CSTPP1: variants seen among roughly 807,000 people sequenced by gnomAD.
The protein encoded by CSTPP1 is UPF0705 protein C11orf49.
chr11:46,995,082 C>A, the CSTPP1 span, among the ~76,000 whole-genome samples: 1 of 152,302 alleles, frequency 6.6e-6, no homozygotes, highest in East Asian at 1.9e-4. Flanking sequence ...TTATAGCATT[C>A]TCTGATGGTA....
the CSTPP1 span, among the ~76,000 whole-genome samples, chr11:47,045,245 T>C: frequency 1.3e-5 from 2 of 152,322 alleles, no homozygotes; most frequent in East Asian, 1.9e-4. Context: ...TTGAGGTAGA[T>C]GAAAACTGAG....
chr11:46,973,637 A>G, the CSTPP1 span, among the ~76,000 whole-genome samples: 1 of 152,186 alleles, frequency 6.6e-6, no homozygotes, highest in Admixed American at 6.5e-5. Flanking sequence ...AGTCCCATTT[A>G]AGTACTTTCT....
At chr11:47,110,890 C>CTTTTTTTTTTT in the CSTPP1 span, among the ~76,000 whole-genome samples, 26 of 125,494 alleles carry the variant, frequency 2.1e-4, no homozygotes, top group East Asian at 8.3e-4. Flanking sequence ...GAGAACACAT[C>CTTTTTTTTTTT]TTTTTTTTTT....
At chr11:47,072,081 C>CT in the CSTPP1 span, among the ~76,000 whole-genome samples, 1 of 152,184 alleles carries the variant, frequency 6.6e-6, no homozygotes, top group East Asian at 1.9e-4. Flanking sequence ...GAGATTCCTC[C>CT]TGGGAAGTCA....
At chr11:47,149,697 G>A in the CSTPP1 span, among the ~76,000 whole-genome samples, 1 of 152,126 alleles carries the variant, frequency 6.6e-6, no homozygotes, top group Non-Finnish European at 1.5e-5. Flanking sequence ...GAGACAGACA[G>A]CACAGCATAT....
At chr11:47,117,736 G>A in the CSTPP1 span, among the ~76,000 whole-genome samples, 1 of 152,222 alleles carries the variant, frequency 6.6e-6, no homozygotes, top group East Asian at 1.9e-4. Flanking sequence ...TTCCAACTTT[G>A]TTCTATTCTC....
At chr11:46,937,661 C>G in the CSTPP1 span, among the ~76,000 whole-genome samples, 1 of 152,194 alleles carries the variant, frequency 6.6e-6, no homozygotes, top group Non-Finnish European at 1.5e-5. Flanking sequence ...GCTCCGCCTC[C>G]CGGGTAGCTG....
the CSTPP1 span, chr11:47,137,261 C>T: frequency 1.5e-6 from 2 of 1,299,910 alleles, no homozygotes; most frequent in Non-Finnish European, 2.0e-6. Context: ...GAAACGTTAC[C>T]ATGCCAGAGA....
At chr11:46,994,813 C>A in the CSTPP1 span, among the ~76,000 whole-genome samples, 2 of 152,208 alleles carry the variant, frequency 1.3e-5, no homozygotes, top group Non-Finnish European at 2.9e-5. Flanking sequence ...GGAGGATTCC[C>A]TCTTTTTCTA....
At chr11:47,136,492 T>C in the CSTPP1 span, among the ~76,000 whole-genome samples, 1 of 152,162 alleles carries the variant, frequency 6.6e-6, no homozygotes, top group African/African-American at 2.4e-5. Context: ...AAACTCTCTG[T>C]CCCCACCTTG....
At chr11:47,104,202 C>A in the CSTPP1 span, among the ~76,000 whole-genome samples, 1 of 152,102 alleles carries the variant, frequency 6.6e-6, no homozygotes, top group Non-Finnish European at 1.5e-5. Context: ...AATTCCCTGC[C>A]GATTGATTTC....
chr11:47,055,389 C>T, the CSTPP1 span, among the ~76,000 whole-genome samples: 3 of 148,834 alleles, frequency 2.0e-5, no homozygotes, highest in South Asian at 6.7e-4. Flanking sequence ...CCTCCCCTCC[C>T]CACTGAGGTT....
the CSTPP1 span, chr11:47,161,921 G>A: frequency 8.3e-7 from 1 of 1,203,806 alleles, no homozygotes; most frequent in East Asian, 4.6e-5. Flanking sequence ...TAGCCTGTTA[G>A]TCCTCCTAAC....
chr11:47,013,856 C>T, the CSTPP1 span, among the ~76,000 whole-genome samples: 1 of 152,216 alleles, frequency 6.6e-6, no homozygotes, highest in Admixed American at 6.5e-5. Context: ...TTCCCACCAA[C>T]AGTGTAAAAG....
the CSTPP1 span, among the ~76,000 whole-genome samples, chr11:46,981,646 A>G: frequency 3.3e-5 from 5 of 151,966 alleles, no homozygotes; most frequent in African/African-American, 1.2e-4. Context: ...TTTGGTTTTG[A>G]GAGGTAGTGG....
chr11:47,155,810 C>T, the CSTPP1 span: 1 of 156,638 alleles, frequency 6.4e-6, no homozygotes, highest in Admixed American at 6.1e-5. Context: ...GCACATTCTC[C>T]TCCACCCCAC....
the CSTPP1 span, among the ~76,000 whole-genome samples, chr11:47,024,520 A>C: frequency 2.0e-5 from 3 of 152,168 alleles, no homozygotes; most frequent in Non-Finnish European, 4.4e-5. Flanking sequence ...GAATATTGAG[A>C]AATGTCCTTT....
chr11:47,161,021 G>T, the CSTPP1 span: 1 of 1,448,464 alleles, frequency 6.9e-7, no homozygotes, highest in East Asian at 2.3e-5. Context: ...ATCGGCCCTC[G>T]CAGGGTCAGC....
the CSTPP1 span, among the ~76,000 whole-genome samples, chr11:46,942,723 C>T: frequency 4.6e-5 from 7 of 151,966 alleles, no homozygotes; most frequent in African/African-American, 1.2e-4. Flanking sequence ...TTCACAACTA[C>T]CATATGAAGT....
Sources: gnomAD v4.1 joint callset for allele counts (sites outside exome capture counted in the v4.1 genomes callset) on GRCh38, gnomAD v4.1.1 for gene constraint, MANE v1.5 for transcripts, NCBI Gene and HGNC (gene_info 2026-07-23, HGNC 2026-07-21) for gene names.